CARD14: variants seen among roughly 807,000 people sequenced by gnomAD.
CARD14 encodes caspase recruitment domain-containing protein 14.
Under a neutral mutation model 111.5 loss-of-function variants are expected in CARD14, and 107 were observed. That is an observed-to-expected ratio of 0.96 (90% CI 0.82 to 1.13). The LOEUF (loss-of-function observed/expected upper bound fraction) is 1.13, where lower values mean the gene tolerates loss of function less well. Ranked by LOEUF, CARD14 falls within the 50% of genes most tolerant of loss-of-function variation. The pLI is 0.00. For missense variants in CARD14, 1,322 were observed against 1,362.3 expected (o/e 0.97, Z 0.47); for synonymous variants, 617 against 579.6 (o/e 1.06, Z -0.93).
At position 80,181,629 on chromosome 17, in the gene CARD14, C is replaced by T. The variant is rs1296317669; in HGVS notation, c.191C>T (p.Thr64Ile). The change falls in exon 5 of 24, where the codon ACC (threonine) becomes ATC (isoleucine). Residue 64 changes from threonine to isoleucine, a missense_variant. Thr to Ile is a moderately conservative substitution (Grantham distance 89). Transcript: ENST00000648509. ...GAGGTGCTGCACAGCCCCCGGCTCA[C>T]CAACAGCGCCATGCGGGCCGGTGAG... ...EEEVLHSPRL[T>I]NSAMRAGHLL... 6.4e-7 allele frequency: 1 copy of T among 1,551,042 alleles called. No homozygotes were observed. The highest frequency in any genetic ancestry group is 2.0e-5 in the Admixed American group (1 of 51,182).
In CARD14 at chr17:80,192,540, G is replaced by A. The variant is rs199537188; in HGVS notation, c.1277G>A (p.Arg426Gln). The change falls in exon 12 of 24, where the codon CGG becomes CAG. Residue 426 changes from arginine to glutamine, a missense_variant. Physicochemically the swap from Arg to Gln is conservative, Grantham distance 43. Coordinates refer to ENST00000648509, the MANE Select transcript of CARD14 (RefSeq NM_001366385.1). The stretch of plus-strand genomic sequence containing the variant: ...GCCAGGACCAGGGAGCCCTGTCCAC[G>A]GGAGAAGCAGCGGCTGGTGCGGATG... The part of the protein sequence containing the change: ...QEARTREPCP[R>Q]EKQRLVRMHA... 120 of 1,613,850 alleles carry A rather than the reference G, an allele frequency of 7.4e-5. 4 individuals are homozygous for A. The South Asian group carries it at 9.7e-4, about 13-fold the overall frequency.
chr17:80,191,236 C>T (rs1373300534), intron 10 of CARD14, 87 bp from the exon 11 acceptor site: 8 of 1,503,018 alleles, frequency 5.3e-6, no homozygotes, highest in South Asian at 4.9e-5. Context: ...GTCAGATGAG[C>T]GCAGGCTAGA....
chr17:80,189,898 G>A lies in CARD14; in HGVS notation c.963+26G>A, dbSNP rs747646720. On this transcript the variant is annotated intron_variant, in intron 9 of 23. Transcript: ENST00000648509. This position sits in a 1 kb window ranked among gnomAD's most constrained non-coding sequence, Gnocchi z 4.7. ...GTGCCGTGTGAGCCCTTCCTCCCTT[G>A]TGACTCTCCTGGGGCTTGTCTCAGG... 6.3e-7 allele frequency: 1 copy of A among 1,588,600 alleles called. No individual in the cohort carries two copies. The highest frequency in any genetic ancestry group is 2.4e-5 in the East Asian group (1 of 42,308).
rs1471522812 is a variant in CARD14, at chr17:80,190,776, C to T, written c.966C>T (p.Tyr322=). The T allele has an allele frequency of 6.2e-7, 1 of 1,614,018 alleles. No individual in the cohort carries two copies. Among genetic ancestry groups the T allele is most frequent in the East Asian group, 2.2e-5 (1 of 44,892 alleles). ...TCCATGTGTCCCACTCTGTCCAGTA[C>T]TGGGAAGAGAAGGAACAGACCCTGC... ...AVAAERQREQ[Y]WEEKEQTLLQ... Residue 322 remains tyrosine (Y), a splice_region_variant and synonymous_variant, in exon 10 of 24, where the codon TAC becomes TAT. Transcript: ENST00000648509.
intron 20 of CARD14, 60 bp from the exon 21 acceptor site, chr17:80,204,975 G>C (rs2041203566): frequency 7.0e-7 from 1 of 1,429,422 alleles, no homozygotes; most frequent in East Asian, 2.5e-5. Flanking sequence ...TCCCGGGGCA[G>C]GGTAGGCTGG....
Position 80,182,040 on chromosome 17 carries a change from C to G in CARD14, c.211+391C>G, listed in dbSNP as rs1013153943. 2.0e-5 allele frequency among the ~76,000 whole-genome samples: 3 copies of G among 149,558 alleles called. No homozygotes were observed. The highest frequency in any genetic ancestry group is 2.9e-5 in the Non-Finnish European group (2 of 68,016). ...CAAATGAGTTACTGTTTATAAAACA[C>G]TCACTGCAAAGCTGGGGCCATAGAA... On this transcript the variant is annotated intron_variant, in intron 5 of 23. Coordinates refer to ENST00000648509, the MANE Select transcript of CARD14 (RefSeq NM_001366385.1). This position sits in a 1 kb window ranked among gnomAD's most constrained non-coding sequence, Gnocchi z 4.7.
intron 11 of CARD14, 31 bp downstream of exon 11, chr17:80,191,503 G>T (rs1190846271): frequency 6.2e-7 from 1 of 1,600,454 alleles, no homozygotes; most frequent in African/African-American, 1.3e-5. Context: ...CGAGCTGGAG[G>T]CCAGGCAGGG....
rs2040108918 is a variant in CARD14, at chr17:80,179,692, C to G, written c.-21+391C>G. ...TACAAAAATTAAAAAAGAAGCCAGG[C>G]ATGGTGGCGCATGCCTGCGGTCTCA... is the stretch of plus-strand genomic sequence containing the variant. On this transcript the variant is annotated intron_variant, in intron 4 of 23. Coordinates refer to ENST00000648509, the MANE Select transcript of CARD14 (RefSeq NM_001366385.1). 2.6e-5 allele frequency among the ~76,000 whole-genome samples: 4 copies of G among 152,112 alleles called. No individual in the cohort carries two copies. The South Asian group carries it at 6.2e-4, about 24-fold the overall frequency.
Position 80,201,658 on chromosome 17 carries a change from C to T in CARD14, c.1852-86C>T, listed in dbSNP as rs1382774454. 24 of 1,469,508 alleles carry T rather than the reference C, an allele frequency of 1.6e-5. No individual in the cohort carries two copies. The highest frequency in any genetic ancestry group is 2.8e-5 in the African/African-American group (2 of 72,040). The allele number at this position is 1,469,508 out of a possible 1,614,324, so 91.0% of individuals were successfully genotyped here. ...CCTACGGCAGGGCTGGCCCGCGCCTCGCCTCAGTGCCCTCAGCGCCTTCTG... is the reference window on the plus strand; with the variant it reads ...CCTACGGCAGGGCTGGCCCGCGCCTTGCCTCAGTGCCCTCAGCGCCTTCTG... On this transcript the variant is annotated intron_variant, in intron 16 of 23. Transcript: ENST00000648509. This position sits in a 1 kb window ranked among gnomAD's most constrained non-coding sequence, Gnocchi z 5.0.
Position 80,195,204 on chromosome 17 carries a change from C to T in CARD14, c.1370C>T (p.Ser457Leu), listed in dbSNP as rs776782295. 267 of 1,608,000 alleles carry T rather than the reference C, an allele frequency of 1.7e-4. No individual in the cohort carries two copies. Among genetic ancestry groups the T allele is most frequent in the Non-Finnish European group, 1.9e-4 (228 of 1,177,162 alleles). Residue 457 changes from serine (S) to leucine (L), a missense_variant, in exon 13 of 24, where the codon TCG (serine) becomes TTG (leucine). Physicochemically the swap from Ser to Leu is moderately radical, Grantham distance 145 (BLOSUM62 -2). Coordinates refer to ENST00000648509, the MANE Select transcript of CARD14 (RefSeq NM_001366385.1). The surrounding 1 kb of genome is among the most constrained non-coding windows in gnomAD (Gnocchi z 4.7). ...TCCCTCCTCCAGTCTCAGCTCTTGT[C>T]GGACCTGAGTGCCACGTCCAGCCGC... The part of the protein sequence containing the change: ...LVSSTESQLL[S>L]DLSATSSREL...
rs61757652 is a variant in CARD14, at chr17:80,205,117, C to T, written c.2481C>T (p.Pro827=). The T allele has an allele frequency of 0.08, 129,464 of 1,613,570 alleles. 5,691 individuals are homozygous for T. The highest frequency in any genetic ancestry group is 0.15 in the South Asian group (13,743 of 91,060). The change falls in exon 21 of 24, where the codon CCC becomes CCT. Residue 827 remains proline (P), a synonymous_variant. Coordinates refer to ENST00000648509, the MANE Select transcript of CARD14 (RefSeq NM_001366385.1). The part of the protein sequence containing the change: ...TLVRPHRPAR[P]RPVLLVPRAV... ...TGCGGCCCCATCGACCCGCCCGGCC[C>T]CGGCCTGTGCTCCTCGTGCCCAGGG... is the stretch of plus-strand genomic sequence containing the variant.
Position 80,188,438 on chromosome 17 carries a change from T to C in CARD14, c.737T>C (p.Leu246Ser). 2.5e-6 allele frequency: 4 copies of C among 1,609,844 alleles called. No individual in the cohort carries two copies. The highest frequency in any genetic ancestry group is 3.4e-6 in the Non-Finnish European group (4 of 1,178,144). The change falls in exon 8 of 24, where the codon TTG becomes TCG. Residue 246 changes from leucine to serine, a missense_variant. Coordinates refer to ENST00000648509, the MANE Select transcript of CARD14 (RefSeq NM_001366385.1). This position sits in a 1 kb window ranked among gnomAD's most constrained non-coding sequence, Gnocchi z 4.5. Reference sequence around the variant, plus strand: ...ATGGTTTCCTCCTGTGAGCTGGAATTGCAAGAGCAGTCCCTGAGGACAGCC... The same window carrying C: ...ATGGTTTCCTCCTGTGAGCTGGAATCGCAAGAGCAGTCCCTGAGGACAGCC... ...ANMVSSCELE[L>S]QEQSLRTASD...
At position 80,198,076 on chromosome 17, in the gene CARD14, G is replaced by A. The variant is rs376225789; in HGVS notation, c.1595-23G>A. On this transcript the variant is annotated intron_variant, in intron 14 of 23. Coordinates refer to ENST00000648509, the MANE Select transcript of CARD14 (RefSeq NM_001366385.1). The surrounding 1 kb of genome is among the most constrained non-coding windows in gnomAD (Gnocchi z 7.5). ...ATCAGCAGTGGGGTGACCAAGATCT[G>A]TGAGCTCTTGGCTTCCTCCCAGACC... The A allele has an allele frequency of 8.4e-5, 136 of 1,612,440 alleles. 1 individual carries two copies. In the African/African-American group the frequency reaches 1.6e-3, roughly 19 times the overall value.
chr17:80,182,899 C>G lies in CARD14; in HGVS notation c.349+109C>G. On this transcript the variant is annotated intron_variant, in intron 6 of 23. Coordinates refer to ENST00000648509, the MANE Select transcript of CARD14 (RefSeq NM_001366385.1). This position sits in a 1 kb window ranked among gnomAD's most constrained non-coding sequence, Gnocchi z 4.7. ...CGATTTGCCCTACTCCCCCTTCCCTCCAGGCTGCAGTTCCTGTCCCAGCCC... is the reference window on the plus strand; with the variant it reads ...CGATTTGCCCTACTCCCCCTTCCCTGCAGGCTGCAGTTCCTGTCCCAGCCC... The G allele has an allele frequency of 7.5e-7, 1 of 1,337,664 alleles. No homozygotes were observed. Among genetic ancestry groups the G allele is most frequent in the Non-Finnish European group, 1.0e-6 (1 of 957,262 alleles). 82.9% of individuals were successfully genotyped at this position (1,337,664 alleles called of 1,614,324 possible).
intron 16 of CARD14, chr17:80,199,001 T>C: frequency 1.2e-6 from 1 of 862,076 alleles, no homozygotes; most frequent in South Asian, 4.2e-5. Flanking sequence ...CAGGCTAGAG[T>C]GCTGCGGTGC....
At position 80,198,474 on chromosome 17, in the gene CARD14, A is replaced by G. The variant is rs765163740; in HGVS notation, c.1734A>G (p.Ala578=). 5.6e-6 allele frequency: 9 copies of G among 1,613,156 alleles called. No homozygotes were observed. The highest frequency in any genetic ancestry group is 3.3e-5 in the South Asian group (3 of 91,064). ...CCATGCTGGCGTTCCAGGGGGATGC[A>G]TTGCTGGAGCAGATCAGCGTCATCG... is the stretch of plus-strand genomic sequence containing the variant. The part of the protein sequence containing the change: ...QVTMLAFQGD[A]LLEQISVIGG... The change falls in exon 16 of 24, where the codon GCA becomes GCG. Residue 578 remains alanine, a synonymous_variant. Transcript: ENST00000648509. The surrounding 1 kb of genome is among the most constrained non-coding windows in gnomAD (Gnocchi z 7.5).
intron 1 of CARD14, among the ~76,000 whole-genome samples, chr17:80,171,197 CCCTCCCTCCCTTCCTTCCTTCCTT>C (rs2039893800): frequency 1.2e-5 from 1 of 83,554 alleles, no homozygotes; most frequent in East Asian, 4.6e-4. Context: ...CTCCCTCCCT[CCCTCCCTCCCTTCCTTCCTTCCTT>C]CCTTCCTTCC....
At chr17:80,186,382 A>G (rs1250681671) in intron 7 of CARD14, among the ~76,000 whole-genome samples, 2 of 152,200 alleles carry the variant, frequency 1.3e-5, no homozygotes, top group Non-Finnish European at 1.5e-5. Context: ...GATGTGACCA[A>G]TGGAACCCTT....
intron 4 of CARD14, among the ~76,000 whole-genome samples, chr17:80,181,188 G>A (rs186996543): frequency 6.6e-6 from 1 of 152,148 alleles, no homozygotes; most frequent in African/African-American, 2.4e-5. Context: ...TAGGATTGGG[G>A]TAGAGCAGGT....
Sources: allele counts gnomAD v4.1 joint callset (sites outside exome capture counted in the v4.1 genomes callset), GRCh38; gene constraint gnomAD v4.1.1; non-coding constraint Gnocchi (gnomAD v3.1); transcripts MANE v1.5; gene names NCBI Gene and HGNC (gene_info 2026-07-23, HGNC 2026-07-21).